NUP153: variants seen among roughly 807,000 people sequenced by gnomAD.
NUP153 encodes nucleoporin 153, also known as nuclear pore complex protein Nup153.
NUP153 carries 27 observed loss-of-function variants against 134.6 expected under a neutral mutation model. That is an observed-to-expected ratio of 0.20 (90% CI 0.15 to 0.28). The LOEUF (loss-of-function observed/expected upper bound fraction) is 0.28. Ranked by LOEUF, NUP153 falls within the 10% of genes least tolerant of loss-of-function variation. The probability of loss-of-function intolerance (pLI) is 1.00; values close to 1 mark genes in which losing one functional copy is unlikely to be tolerated. For synonymous variants in NUP153, 640 were observed against 623.5 expected, an observed-to-expected ratio of 1.03 and a Z score of -0.40; for missense variants, 1,821 against 1,731.3, an observed-to-expected ratio of 1.05 and a Z score of -0.92.
chr6:17,629,059 C>A lies in NUP153; in HGVS notation c.3140G>T (p.Ser1047Ile). 6.2e-7 allele frequency: 1 copy of A among 1,614,214 alleles called. No homozygotes were observed. ...GGTTTCTATGGTTCCAAGGTTGAAG[C>A]TGCTCTTGTTCTCAGAGGTCACTAT... Reference protein sequence around the residue: ...NTIVTSENKSSFNLGTIETKS... With the variant: ...NTIVTSENKSIFNLGTIETKS... Residue 1047 changes from serine to isoleucine, a missense_variant, in exon 18 of 22, where the codon AGC (serine) becomes ATC (isoleucine). Transcript: ENST00000262077.
chr6:17,637,688 A>C lies in NUP153; in HGVS notation c.1929T>G (p.Ser643Arg), dbSNP rs1765627627. Reference sequence around the variant, plus strand: ...ACCCAATTCCACTAGAAGAAAAGCTACTTATTGCTGGTCTTGTATAAACTA... The same window carrying C: ...ACCCAATTCCACTAGAAGAAAAGCTCCTTATTGCTGGTCTTGTATAAACTA... The part of the protein sequence containing the change: ...SPVVYTRPAI[S>R]SFSSSGIGFG... Residue 643 changes from serine (S) to arginine (R), a missense_variant, in exon 16 of 22, where the codon AGT becomes AGG. Transcript: ENST00000262077. 1 of 1,612,074 alleles carries C rather than the reference A, an allele frequency of 6.2e-7. No individual in the cohort carries two copies. Among genetic ancestry groups the C allele is most frequent in the Admixed American group, 1.7e-5 (1 of 60,018 alleles).
Position 17,637,399 on chromosome 6 carries a change from T to C in NUP153, c.2218A>G (p.Ile740Val), listed in dbSNP as rs935151534. Residue 740 changes from isoleucine to valine, a missense_variant, in exon 16 of 22, where the codon ATA becomes GTA. Ile to Val is a conservative substitution (Grantham distance 29). Transcript: ENST00000262077. ...TCLVQNKPEA[I>V]KCVACETPKP... is the part of the protein sequence containing the mutation. Reference sequence around the variant, plus strand: ...GGTGTTTCACAGGCTACACATTTTATTGCTTCAGGTTTATTTTGCACTAAA... The same window carrying C: ...GGTGTTTCACAGGCTACACATTTTACTGCTTCAGGTTTATTTTGCACTAAA... 56 of 1,614,240 alleles carry C rather than the reference T, an allele frequency of 3.5e-5. No individual in the cohort carries two copies. The highest frequency in any genetic ancestry group is 4.7e-5 in the Non-Finnish European group (55 of 1,180,046).
Position 17,675,453 on chromosome 6 carries a change from A to C in NUP153, c.583+69T>G. The C allele has an allele frequency of 6.3e-7, 1 of 1,577,206 alleles. No homozygotes were observed. Among genetic ancestry groups the C allele is most frequent in the Non-Finnish European group, 8.6e-7 (1 of 1,160,946 alleles). ...AAATAGAAAATAAAAATTACAACCAAGTCAGAAAAAAAACCCATAAAATTT... is the reference window on the plus strand; with the variant it reads ...AAATAGAAAATAAAAATTACAACCACGTCAGAAAAAAAACCCATAAAATTT... On this transcript the variant is annotated intron_variant, in intron 3 of 21. Transcript: ENST00000262077. The surrounding 1 kb of genome is among the most constrained non-coding windows in gnomAD (Gnocchi z 4.4).
chr6:17,647,144 T>C (rs1315306930), intron 13 of NUP153, among the ~76,000 whole-genome samples: 1 of 152,188 alleles, frequency 6.6e-6, no homozygotes, highest in East Asian at 1.9e-4. Flanking sequence ...ATTTGATCTG[T>C]AACATCTACT....
chr6:17,701,963 C>T (rs1277704637), intron 1 of NUP153, among the ~76,000 whole-genome samples: 2 of 151,874 alleles, frequency 1.3e-5, no homozygotes, highest in Non-Finnish European at 2.9e-5. Flanking sequence ...CCACACCACC[C>T]CACCCCACCC....
chr6:17,645,294 CATTT>C (rs958854126), intron 14 of NUP153, among the ~76,000 whole-genome samples: 3 of 149,458 alleles, frequency 2.0e-5, no homozygotes, highest in Non-Finnish European at 3.0e-5. Flanking sequence ...ATTATTCATT[CATTT>C]CTTTCTTTTT....
chr6:17,668,685 A>G (rs1357944506), intron 8 of NUP153, among the ~76,000 whole-genome samples: 1 of 151,920 alleles, frequency 6.6e-6, no homozygotes, highest in African/African-American at 2.4e-5. Flanking sequence ...TCTACTAAAA[A>G]TACAAAAATG....
chr6:17,624,880 G>C, intron 19 of NUP153, 47 bp from the exon 20 acceptor site: 1 of 1,482,870 alleles, frequency 6.7e-7, no homozygotes, highest in South Asian at 1.4e-5. Flanking sequence ...GCTAATGTCA[G>C]ATTATCCTCA....
intron 5 of NUP153, among the ~76,000 whole-genome samples, chr6:17,671,030 C>T (rs1035712479): frequency 6.6e-6 from 1 of 151,960 alleles, no homozygotes; most frequent in African/African-American, 2.4e-5. Flanking sequence ...AGGCTGGTCT[C>T]GAACTCCTGA....
At position 17,647,889 on chromosome 6, in the gene NUP153, G is replaced by C; in HGVS notation, c.1550C>G (p.Pro517Arg). 1.2e-6 allele frequency: 2 copies of C among 1,611,282 alleles called. No homozygotes were observed. Among genetic ancestry groups the C allele is most frequent in the Non-Finnish European group, 1.7e-6 (2 of 1,178,206 alleles). Residue 517 changes from proline to arginine, a missense_variant, in exon 13 of 22, where the codon CCG (proline) becomes CGG (arginine). Physicochemically the swap from Pro to Arg is moderately radical, Grantham distance 103 (BLOSUM62 -2). Coordinates refer to ENST00000262077, the MANE Select transcript of NUP153 (RefSeq NM_005124.4). ...ALTNKVQMTS[P>R]SSTGSPMFKF... ...AAACATGGGACTGCCAGTGCTGCTC[G>C]GAGAGGTCATTTGTACCTGGTTTTC...
At position 17,665,363 on chromosome 6, in the gene NUP153, A is replaced by G. The variant is rs1767468261; in HGVS notation, c.1091T>C (p.Val364Ala). ...TGGCTTTGGGGTCATAAGTCTCTGA[A>G]CAGGAGGATATTGAGAATCCACCTT... Reference protein sequence around the residue: ...REKVDSQYPPVQRLMTPKPVS... With the variant: ...REKVDSQYPPAQRLMTPKPVS... The change falls in exon 9 of 22, where the codon GTT (valine) becomes GCT (alanine). Residue 364 changes from valine (V) to alanine (A), a missense_variant. By Grantham distance (64) the Val-to-Ala change is moderately conservative. Transcript: ENST00000262077. 2 of 1,612,946 alleles carry G rather than the reference A, an allele frequency of 1.2e-6. No individual in the cohort carries two copies. Among genetic ancestry groups the G allele is most frequent in the African/African-American group, 1.3e-5 (1 of 74,900 alleles).
At chr6:17,655,945 C>T (rs1766790423) in intron 11 of NUP153, among the ~76,000 whole-genome samples, 1 of 152,190 alleles carries the variant, frequency 6.6e-6, no homozygotes, top group Non-Finnish European at 1.5e-5. Context: ...TGGTTCAACC[C>T]TGCAATCCCA....
intron 2 of NUP153, among the ~76,000 whole-genome samples, chr6:17,681,276 A>G (rs1768564575): frequency 6.6e-6 from 1 of 151,892 alleles, no homozygotes; most frequent in Admixed American, 6.6e-5. Context: ...ACCAGTGGGC[A>G]ACTCATGGAG....
chr6:17,652,153 T>C (rs942057926), intron 11 of NUP153, among the ~76,000 whole-genome samples: 3 of 152,142 alleles, frequency 2.0e-5, no homozygotes, highest in African/African-American at 2.4e-5. Flanking sequence ...AGGCTAACCA[T>C]ACCCTCCCTC....
In NUP153 at chr6:17,661,684, C is replaced by T. The variant is rs752706254; in HGVS notation, c.1364G>A (p.Arg455His). ...CTCCAGAGGTTTAGAAGCAACAAAG[C>T]GTGTTCTTTCTCGTCTCATCTTGCC... is the stretch of plus-strand genomic sequence containing the variant. ...GGGKMRRERT[R>H]FVASKPLEEE... Residue 455 changes from arginine to histidine, a missense_variant, in exon 11 of 22, where the codon CGC (arginine) becomes CAC (histidine). Transcript: ENST00000262077. 7 of 1,613,710 alleles carry T rather than the reference C, an allele frequency of 4.3e-6. No individual in the cohort carries two copies. Among genetic ancestry groups the T allele is most frequent in the African/African-American group, 1.3e-5 (1 of 74,904 alleles).
At chr6:17,705,017 A>G (rs1344587205) in intron 1 of NUP153, among the ~76,000 whole-genome samples, 1 of 152,206 alleles carries the variant, frequency 6.6e-6, no homozygotes, top group African/African-American at 2.4e-5. Flanking sequence ...TCGGCCTCCC[A>G]AAGTGCTGGG....
intron 14 of NUP153, among the ~76,000 whole-genome samples, chr6:17,642,956 T>C (rs1382736818): frequency 1.3e-5 from 2 of 152,192 alleles, no homozygotes; most frequent in Admixed American, 1.3e-4. Context: ...TTACATGACA[T>C]ATTCAGAATA....
At chr6:17,674,877 G>C in intron 5 of NUP153, 28 bp downstream of exon 5, 1 of 1,476,394 alleles carries the variant, frequency 6.8e-7, no homozygotes, top group East Asian at 2.5e-5. Flanking sequence ...GAAAAAAAAA[G>C]ATCATCAACC....
intron 1 of NUP153, among the ~76,000 whole-genome samples, chr6:17,689,420 A>C (rs1018448346): frequency 3.3e-5 from 5 of 152,070 alleles, no homozygotes; most frequent in South Asian, 2.1e-4. Context: ...AACAAACAAA[A>C]AAAAACAATC....
Sources: allele counts gnomAD v4.1 joint callset (sites outside exome capture counted in the v4.1 genomes callset), GRCh38; gene constraint gnomAD v4.1.1; non-coding constraint Gnocchi (gnomAD v3.1); transcripts MANE v1.5; gene names NCBI Gene and HGNC (gene_info 2026-07-23, HGNC 2026-07-21).